The following MITF variants were observed in gnomAD, a reference collection of about 807,000 sequenced individuals.
MITF encodes microphthalmia-associated transcription factor.
MITF carries 17 observed loss-of-function variants against 60.5 expected under a neutral mutation model. The observed-to-expected ratio is 0.28, with a 90% CI of 0.19 to 0.42. The LOEUF (loss-of-function observed/expected upper bound fraction) is 0.42, where lower values mean the gene tolerates loss of function less well. MITF is among the 10% of genes least tolerant of loss of function. MITF has a pLI of 1.00. For synonymous variants in MITF, 260 were observed against 248.5 expected (o/e 1.05, Z -0.43); for missense variants, 622 against 683.5 (o/e 0.91, Z 1.00).
chr3:69,936,124 A>G (rs969916609), intron 2 of MITF, among the ~76,000 whole-genome samples: 2 of 152,222 alleles, frequency 1.3e-5, no homozygotes, highest in African/African-American at 4.8e-5. Flanking sequence ...TATTAAGACC[A>G]GGATGCAAGA....
chr3:69,941,424 T>C (rs1435337696), intron 5 of MITF, 93 bp downstream of exon 5: 6 of 756,468 alleles, frequency 7.9e-6, no homozygotes, highest in Non-Finnish European at 1.4e-5. Flanking sequence ...TTGTAACTGG[T>C]TCACTGATTA....
At chr3:69,913,880 A>G (rs796174016) in intron 2 of MITF, among the ~76,000 whole-genome samples, 1 of 152,338 alleles carries the variant, frequency 6.6e-6, no homozygotes, top group African/African-American at 2.4e-5. Context: ...TAGATTTGAT[A>G]TAGTGCTTTT....
intron 1 of MITF, among the ~76,000 whole-genome samples, chr3:69,803,902 C>CT (rs1260230753): frequency 6.6e-6 from 1 of 151,566 alleles, no homozygotes; most frequent in Non-Finnish European, 1.5e-5. Flanking sequence ...TGGGAAGTCC[C>CT]TTTTTTAGAA....
chr3:69,762,223 C>A (rs1448017774), intron 1 of MITF, among the ~76,000 whole-genome samples: 1 of 152,052 alleles, frequency 6.6e-6, no homozygotes, highest in South Asian at 2.1e-4. Flanking sequence ...ATAAAAAATC[C>A]TAGTTAATGG....
intron 1 of MITF, among the ~76,000 whole-genome samples, chr3:69,788,379 T>C (rs2062686293): frequency 6.8e-6 from 1 of 148,030 alleles, no homozygotes; most frequent in Admixed American, 6.9e-5. Flanking sequence ...AGTGAGAACA[T>C]GCGGTGTTTG....
chr3:69,810,374 A>T (rs2063081853), intron 1 of MITF, among the ~76,000 whole-genome samples: 1 of 152,164 alleles, frequency 6.6e-6, no homozygotes, highest in African/African-American at 2.4e-5. Context: ...TGAATTGGAT[A>T]GGTTTTTGAA....
chr3:69,809,237 T>C (rs2063062225), intron 1 of MITF, among the ~76,000 whole-genome samples: 1 of 151,868 alleles, frequency 6.6e-6, no homozygotes, highest in Non-Finnish European at 1.5e-5. Flanking sequence ...AGGAATGGGG[T>C]GAATGTGGGG....
chr3:69,862,996 G>T lies in MITF; in HGVS notation c.105-16138G>T, dbSNP rs555833822. Among the ~76,000 whole-genome samples, 366 of 152,066 alleles carry T rather than the reference G, an allele frequency of 2.4e-3. 1 individual carries two copies. Among genetic ancestry groups the T allele is most frequent in the South Asian group, 0.011 (53 of 4,820 alleles). On this transcript the variant is annotated intron_variant, in intron 1 of 9. Transcript: ENST00000352241. ...TCTCTCTATCTCTCTTTCCCTCTGTGTGTGTGTGTGTGTGTTCATATGCAT... is the reference window on the plus strand; with the variant it reads ...TCTCTCTATCTCTCTTTCCCTCTGTTTGTGTGTGTGTGTGTTCATATGCAT...
intron 1 of MITF, among the ~76,000 whole-genome samples, chr3:69,791,452 C>G (rs2062738698): frequency 6.6e-6 from 1 of 152,118 alleles, no homozygotes; most frequent in Admixed American, 6.5e-5. Flanking sequence ...AGTATGGTAA[C>G]AAATCATTAT....
At chr3:69,866,538 T>C (rs922774230) in intron 1 of MITF, among the ~76,000 whole-genome samples, 2 of 108,726 alleles carry the variant, frequency 1.8e-5, no homozygotes, top group African/African-American at 7.3e-5. Flanking sequence ...GGATAACAAC[T>C]AATTTGGGGG....
chr3:69,876,987 C>G (rs1027315838), intron 1 of MITF, among the ~76,000 whole-genome samples: 5 of 152,172 alleles, frequency 3.3e-5, no homozygotes, highest in Non-Finnish European at 7.4e-5. Context: ...ACCCTGGCAA[C>G]TATCGTGATC....
intron 1 of MITF, among the ~76,000 whole-genome samples, chr3:69,853,558 T>C (rs2063862520): frequency 6.6e-6 from 1 of 152,082 alleles, no homozygotes; most frequent in Non-Finnish European, 1.5e-5. Context: ...TCTTAAAAAA[T>C]AGAACCCTCT....
At chr3:69,895,012 T>C (rs1440012836) in intron 2 of MITF, among the ~76,000 whole-genome samples, 1 of 152,166 alleles carries the variant, frequency 6.6e-6, no homozygotes, top group Non-Finnish European at 1.5e-5. Context: ...GGAAGTTGTC[T>C]TTCTGGGTGT....
chr3:69,935,542 C>T (rs919880125), intron 2 of MITF, among the ~76,000 whole-genome samples: 1 of 151,988 alleles, frequency 6.6e-6, no homozygotes, highest in East Asian at 1.9e-4. Flanking sequence ...TCTCTGTGAA[C>T]CTCTGTGTAC....
intron 1 of MITF, among the ~76,000 whole-genome samples, chr3:69,804,575 T>C (rs2062975146): frequency 6.6e-6 from 1 of 152,342 alleles, no homozygotes; most frequent in Non-Finnish European, 1.5e-5. Flanking sequence ...TTTTTTTACT[T>C]GAATTTTGGA....
At chr3:69,790,438 T>A (rs1414223260) in intron 1 of MITF, among the ~76,000 whole-genome samples, 2 of 152,226 alleles carry the variant, frequency 1.3e-5, no homozygotes, top group African/African-American at 4.8e-5. Context: ...TTAACATCAA[T>A]GAACTGTATA....
chr3:69,756,232 G>A (rs1341885252), intron 1 of MITF, among the ~76,000 whole-genome samples: 1 of 151,972 alleles, frequency 6.6e-6, no homozygotes, highest in East Asian at 1.9e-4. Context: ...CATCATCTAG[G>A]TTTCAAGCCC....
intron 1 of MITF, among the ~76,000 whole-genome samples, chr3:69,837,219 C>T (rs991334165): frequency 6.6e-6 from 1 of 152,202 alleles, no homozygotes; most frequent in Non-Finnish European, 1.5e-5. Context: ...CTCTGTCTCC[C>T]TCTACATTCA....
At chr3:69,740,778 C>T (rs970461901) in intron 1 of MITF, among the ~76,000 whole-genome samples, 1 of 152,168 alleles carries the variant, frequency 6.6e-6, no homozygotes, top group South Asian at 2.1e-4. Flanking sequence ...CTTCTGCACT[C>T]GGCTGTAACT....
Sources: allele counts gnomAD v4.1 joint callset (sites outside exome capture counted in the v4.1 genomes callset), GRCh38; gene constraint gnomAD v4.1.1; transcripts MANE v1.5; gene names NCBI Gene and HGNC (gene_info 2026-07-23, HGNC 2026-07-21).